Variants in WT1 observed in about 807,000 individuals in gnomAD.
WT1 encodes Wilms tumor protein.
In WT1, 8 loss-of-function variants were observed where a neutral mutation model predicts 60.8. That is an observed-to-expected ratio of 0.13 (90% CI 0.08 to 0.24). The LOEUF is 0.24. Among genes scored for constraint, WT1 ranks in the 10% least tolerant of loss-of-function variants. The pLI, the probability that WT1 is intolerant of heterozygous loss-of-function variation, is 1.00. For missense variants in WT1, 568 were observed against 711.8 expected (o/e 0.80, Z 2.30); for synonymous variants, 312 against 297.1 (o/e 1.05, Z -0.52).
chr11:32,395,231 C>T (rs1207195141), intron 7 of WT1, among the ~76,000 whole-genome samples: 1 of 152,184 alleles, frequency 6.6e-6, no homozygotes, highest in Admixed American at 6.5e-5. Flanking sequence ...TGCTGTTCTT[C>T]GATTGTGGAA....
chr11:32,414,168 A>G (rs1481489442), intron 5 of WT1, among the ~76,000 whole-genome samples: 1 of 152,248 alleles, frequency 6.6e-6, no homozygotes, highest in African/African-American at 2.4e-5. Flanking sequence ...GCTCTGCAAA[A>G]CAGTTGTTCT....
At chr11:32,407,840 C>A (rs1436318422) in intron 5 of WT1, among the ~76,000 whole-genome samples, 5 of 151,796 alleles carry the variant, frequency 3.3e-5, no homozygotes, top group Admixed American at 6.6e-5. Flanking sequence ...CACAGTGCCA[C>A]TCATCAATTA....
At chr11:32,430,786 TC>T (rs1203463339) in intron 1 of WT1, 5 of 1,307,868 alleles carry the variant, frequency 3.8e-6, no homozygotes, top group East Asian at 2.8e-5. Context: ...CTCCTTCAGG[TC>T]CCCCCGGGAG....
At chr11:32,411,068 T>TACAC (rs10525221) in intron 5 of WT1, among the ~76,000 whole-genome samples, 46 of 145,796 alleles carry the variant, frequency 3.2e-4, no homozygotes, top group East Asian at 6.1e-4. Context: ...CCCTCTCCAA[T>TACAC]ACACACACAC....
intron 3 of WT1, among the ~76,000 whole-genome samples, chr11:32,421,491 T>A (rs1418552359): frequency 6.6e-6 from 1 of 152,124 alleles, no homozygotes; most frequent in African/African-American, 2.4e-5. Flanking sequence ...TTTAAGTAGA[T>A]TTTTTTTAAA....
chr11:32,417,371 T>G (rs1852708096), intron 4 of WT1: 2 of 587,242 alleles, frequency 3.4e-6, no homozygotes, highest in South Asian at 4.2e-5. Flanking sequence ...TTGTTCCAGA[T>G]AGAAACAACC....
chr11:32,417,844 C>T (rs568598080), intron 3 of WT1, among the ~76,000 whole-genome samples, 190 bp from the exon 4 acceptor site: 1 of 152,260 alleles, frequency 6.6e-6, no homozygotes, highest in East Asian at 1.9e-4. Context: ...ACACTTCATA[C>T]ACAGCAGAAG....
chr11:32,430,673 C>T lies in WT1; in HGVS notation c.662-2054G>A. 2.8e-6 allele frequency: 4 copies of T among 1,447,454 alleles called. No homozygotes were observed. The Admixed American group carries it at 1.0e-4, about 37-fold the overall frequency. 89.7% of individuals were successfully genotyped at this position (1,447,454 alleles called of 1,614,324 possible). On this transcript the variant is annotated intron_variant, in intron 1 of 9. Transcript: ENST00000452863. ...CACTCTCGAGACGTCCGTCCGCACC[C>T]CAGAACTCGGGCCCAAGGATGCCCG...
At chr11:32,426,682 G>A (rs936602211) in intron 3 of WT1, among the ~76,000 whole-genome samples, 3 of 151,540 alleles carry the variant, frequency 2.0e-5, no homozygotes, top group African/African-American at 7.3e-5. Flanking sequence ...GATGTTCCGG[G>A]GGAAAAAAAG....
intron 1 of WT1, 68 bp downstream of exon 1, chr11:32,434,632 G>C: frequency 6.2e-7 from 1 of 1,608,448 alleles, no homozygotes; most frequent in South Asian, 1.1e-5. Flanking sequence ...GGAGAGGGGG[G>C]TGTCCTAGAG....
At chr11:32,417,509 G>A (rs958854695) in intron 4 of WT1, 68 bp downstream of exon 4, 2 of 1,410,426 alleles carry the variant, frequency 1.4e-6, no homozygotes, top group East Asian at 2.3e-5. Context: ...TAAGTTCTAA[G>A]CACCTTTGAA....
chr11:32,416,420 T>C (rs1028309192), intron 5 of WT1, 70 bp downstream of exon 5: 2 of 1,600,828 alleles, frequency 1.2e-6, no homozygotes, highest in African/African-American at 1.3e-5. Context: ...TCCTAACTCC[T>C]GCATTGCCCC....
chr11:32,406,205 T>G (rs1298093714), intron 5 of WT1, among the ~76,000 whole-genome samples: 1 of 152,078 alleles, frequency 6.6e-6, no homozygotes, highest in Non-Finnish European at 1.5e-5. Context: ...TTCTGGAAGG[T>G]CATTTTTCCA....
chr11:32,405,959 C>T (rs965133150), intron 5 of WT1, among the ~76,000 whole-genome samples: 2 of 152,162 alleles, frequency 1.3e-5, no homozygotes, highest in Non-Finnish European at 2.9e-5. Flanking sequence ...CATCATGAGA[C>T]TTGAACGACT....
intron 3 of WT1, among the ~76,000 whole-genome samples, chr11:32,418,623 T>G (rs1162834520): frequency 6.6e-6 from 1 of 152,220 alleles, no homozygotes; most frequent in Non-Finnish European, 1.5e-5. Context: ...GGTATCAGAT[T>G]GCAGATATAG....
In WT1 at chr11:32,424,166, A is replaced by T. The variant is rs966029383; in HGVS notation, c.887+3790T>A. On this transcript the variant is annotated intron_variant, in intron 3 of 9. Transcript: ENST00000452863. ...ACAGAGCGAGATGCCATCTCAAAAA[A>T]AAAAAAAAAAAAAAGTGATACATTG... Among the ~76,000 whole-genome samples, 109 of 151,610 alleles carry T rather than the reference A, an allele frequency of 7.2e-4. 2 individuals are homozygous for T. Among genetic ancestry groups the T allele is most frequent in the African/African-American group, 2.1e-3 (88 of 41,348 alleles).
Position 32,422,954 on chromosome 11 carries a change from G to A in WT1, c.887+5002C>T, listed in dbSNP as rs74595045. Reference sequence around the variant, plus strand: ...GTGTGCATGGGAATATTTTTCAAACGCAGTGCACAGAACTTTTCAAAGTAG... The same window carrying A: ...GTGTGCATGGGAATATTTTTCAAACACAGTGCACAGAACTTTTCAAAGTAG... On this transcript the variant is annotated intron_variant, in intron 3 of 9. Transcript: ENST00000452863. Among the ~76,000 whole-genome samples the A allele has an allele frequency of 1.2e-3, 189 of 152,294 alleles. 1 individual carries two copies. The highest frequency in any genetic ancestry group is 1.6e-3 in the Non-Finnish European group (112 of 68,014).
chr11:32,393,216 T>C (rs559330672), intron 7 of WT1, among the ~76,000 whole-genome samples: 11 of 152,386 alleles, frequency 7.2e-5, no homozygotes, highest in African/African-American at 2.6e-4. Context: ...AAGAGTTTTA[T>C]GTTTTAGGGC....
At chr11:32,403,473 G>A (rs902891221) in intron 5 of WT1, among the ~76,000 whole-genome samples, 2 of 151,810 alleles carry the variant, frequency 1.3e-5, no homozygotes, top group African/African-American at 4.8e-5. Context: ...CTGGTGACTA[G>A]TTTTCAAGAT....
Sources: allele counts gnomAD v4.1 joint callset (sites outside exome capture counted in the v4.1 genomes callset), GRCh38; gene constraint gnomAD v4.1.1; transcripts MANE v1.5; gene names NCBI Gene and HGNC (gene_info 2026-07-23, HGNC 2026-07-21).